The following ST6GAL1 variants were observed in gnomAD, a reference collection of about 807,000 sequenced individuals.
ST6GAL1 encodes the protein beta-galactoside alpha-2,6-sialyltransferase 1.
ST6GAL1 carries 20 observed loss-of-function variants against 38.0 expected under a neutral mutation model. The ratio of observed to expected loss-of-function variants is 0.53; its 90% CI spans 0.37 to 0.77. The LOEUF (loss-of-function observed/expected upper bound fraction) is 0.77. ST6GAL1 is among the 30% of genes least tolerant of loss of function. The probability of loss-of-function intolerance (pLI) is 0.00; values close to 1 mark genes in which losing one functional copy is unlikely to be tolerated. For synonymous variants in ST6GAL1, 196 were observed against 188.2 expected (o/e 1.04, Z -0.34); for missense variants, 432 against 496.4 (o/e 0.87, Z 1.23).
At chr3:186,939,050 A>G (rs1255986146) in intron 1 of ST6GAL1, among the ~76,000 whole-genome samples, 1 of 134,006 alleles carries the variant, frequency 7.5e-6, no homozygotes, top group Non-Finnish European at 1.6e-5. Context: ...GGAGAGAGAC[A>G]GAAAGTCAAC....
intron 2 of ST6GAL1, 183 bp downstream of exon 2, chr3:186,964,109 C>T (rs1013707273): frequency 6.6e-6 from 1 of 152,236 alleles, no homozygotes; most frequent in African/African-American, 2.4e-5. Context: ...GAGGCTTCTG[C>T]TTTGTCAGAG....
At position 187,029,646 on chromosome 3, in the gene ST6GAL1, C is replaced by T. The variant is rs564672215; in HGVS notation, c.-182-9096C>T. Among the ~76,000 whole-genome samples the T allele has an allele frequency of 4.1e-4, 63 of 152,262 alleles. 1 individual carries two copies. The highest frequency in any genetic ancestry group is 1.3e-3 in the African/African-American group (54 of 41,544). ...TAAGGACCTCCTGGCAGTTAGGGATCGCGAACTTGAAGTGAAATCAGTAAG... is the reference window on the plus strand; with the variant it reads ...TAAGGACCTCCTGGCAGTTAGGGATTGCGAACTTGAAGTGAAATCAGTAAG... On this transcript the variant is annotated intron_variant, in intron 2 of 7. Coordinates refer to ENST00000169298, the MANE Select transcript of ST6GAL1 (RefSeq NM_173216.2).
chr3:187,073,040 T>C, intron 6 of ST6GAL1, 93 bp downstream of exon 6: 1 of 978,232 alleles, frequency 1.0e-6, no homozygotes, highest in Non-Finnish European at 1.6e-6. Flanking sequence ...TGGCTGACAT[T>C]GGCTATTCCT....
intron 5 of ST6GAL1, among the ~76,000 whole-genome samples, chr3:187,071,633 C>T (rs528824334): frequency 3.8e-4 from 57 of 151,766 alleles, no homozygotes; most frequent in African/African-American, 4.3e-4. Flanking sequence ...TGGTGGCGGG[C>T]GTCTGTAGTC....
At chr3:187,042,567 A>T in intron 3 of ST6GAL1, 87 bp from the exon 4 acceptor site, 2 of 1,277,374 alleles carry the variant, frequency 1.6e-6, no homozygotes, top group East Asian at 2.4e-5. Context: ...CCTCATTTCA[A>T]ATCTATTGCT....
At position 187,005,277 on chromosome 3, in the gene ST6GAL1, T is replaced by C. The variant is rs1462596483; in HGVS notation, c.-182-33465T>C. On this transcript the variant is annotated intron_variant, in intron 2 of 7. Coordinates refer to ENST00000169298, the MANE Select transcript of ST6GAL1 (RefSeq NM_173216.2). ...TGTTTCTTTTTCTTTTTCTTTTTTT[T>C]TTTTTTTTTTTTTTTGAGACGGAGT... Among the ~76,000 whole-genome samples the C allele has an allele frequency of 7.1e-4, 101 of 141,530 alleles. 2 individuals carry two copies. The highest frequency in any genetic ancestry group is 1.4e-3 in the East Asian group (6 of 4,218). 92.8% of individuals were successfully genotyped at this position (141,530 alleles called of 152,430 possible).
rs60914982 is a variant in ST6GAL1, at chr3:186,936,939, C to CAAA, written c.-325+6126_-325+6128dup. Among the ~76,000 whole-genome samples, 30 of 87,920 alleles carry CAAA rather than the reference C, an allele frequency of 3.4e-4. 1 individual carries two copies. Among genetic ancestry groups the CAAA allele is most frequent in the Non-Finnish European group, 5.2e-4 (23 of 44,548 alleles). 57.7% of individuals were successfully genotyped at this position (87,920 alleles called of 152,430 possible). ...CCTGGGTGACAGAGCAAGACTGTCT[C>CAAA]AAAAAAAAAAAAAAAAAAAAAAAGA... On this transcript the variant is annotated intron_variant, in intron 1 of 7. Transcript: ENST00000169298.
chr3:187,051,378 GAGA>G (rs1392457125), intron 5 of ST6GAL1, 32 bp downstream of exon 5: 2 of 1,596,922 alleles, frequency 1.3e-6, no homozygotes, highest in Non-Finnish European at 1.7e-6. Flanking sequence ...TATGGAGTAA[GAGA>G]AGGACCACAG....
At chr3:186,972,546 G>A (rs1177268815) in intron 2 of ST6GAL1, among the ~76,000 whole-genome samples, 2 of 151,942 alleles carry the variant, frequency 1.3e-5, no homozygotes, top group African/African-American at 2.4e-5. Flanking sequence ...CACCATGCCC[G>A]GCCACTGCTT....
rs74829123 is a variant in ST6GAL1 at position 186,993,118 on chromosome 3, G to A, written c.-183+29192G>A. ...ACTTGAGTGTTTGTGTCCCTAGTGCGTTTAGCTTCGGGTGGGGGCTGCCTT... is the reference window on the plus strand; with the variant it reads ...ACTTGAGTGTTTGTGTCCCTAGTGCATTTAGCTTCGGGTGGGGGCTGCCTT... On this transcript the variant is annotated intron_variant, in intron 2 of 7. Transcript: ENST00000169298. Among the ~76,000 whole-genome samples the A allele has an allele frequency of 1.2e-4, 19 of 152,248 alleles. No individual in the cohort carries two copies. The East Asian group carries it at 2.7e-3, about 22-fold the overall frequency.
At chr3:186,995,844 G>C (rs939205598) in intron 2 of ST6GAL1, among the ~76,000 whole-genome samples, 79 of 151,242 alleles carry the variant, frequency 5.2e-4, no homozygotes, top group African/African-American at 1.8e-3. Context: ...ACTCTGTCTT[G>C]AGAAAAAAAA....
At chr3:186,933,174 C>T (rs188396951) in intron 1 of ST6GAL1, among the ~76,000 whole-genome samples, 3 of 152,162 alleles carry the variant, frequency 2.0e-5, no homozygotes, top group East Asian at 2.0e-4. Context: ...TGGTTTTCTA[C>T]GCTGCCGTGC....
rs58353230 is a variant in ST6GAL1, at chr3:187,052,404, C to T, written c.705+1058C>T. On this transcript the variant is annotated intron_variant, in intron 5 of 7. Coordinates refer to ENST00000169298, the MANE Select transcript of ST6GAL1 (RefSeq NM_173216.2). The stretch of plus-strand genomic sequence containing the variant: ...TGTTGGTTTGCTGCACCCATCAACT[C>T]GTCATTTACATTAGGTATTTCTCCT... Among the ~76,000 whole-genome samples, 1,032 of 152,248 alleles carry T rather than the reference C, an allele frequency of 6.8e-3. 8 individuals carry two copies. The highest frequency in any genetic ancestry group is 0.023 in the African/African-American group (964 of 41,522).
intron 2 of ST6GAL1, among the ~76,000 whole-genome samples, chr3:186,979,210 TGTTAGGTTAG>T (rs1164465091): frequency 6.6e-6 from 1 of 151,960 alleles, no homozygotes; most frequent in Admixed American, 6.6e-5. Flanking sequence ...TTAACTGAAA[TGTTAGGTTAG>T]GTTGGGGGAA....
intron 1 of ST6GAL1, among the ~76,000 whole-genome samples, chr3:186,943,570 C>A (rs1472646994): frequency 6.6e-6 from 1 of 152,168 alleles, no homozygotes; most frequent in Non-Finnish European, 1.5e-5. Context: ...CTGTCTCAGC[C>A]TCCTGAGTAG....
chr3:186,937,836 G>A (rs185825973), intron 1 of ST6GAL1, among the ~76,000 whole-genome samples: 223 of 152,294 alleles, frequency 1.5e-3, no homozygotes, highest in Non-Finnish European at 2.5e-3. Flanking sequence ...ACTTTGGGAG[G>A]CTGATGCAGG....
At chr3:187,026,287 TG>T (rs965327171) in intron 2 of ST6GAL1, among the ~76,000 whole-genome samples, 2 of 152,222 alleles carry the variant, frequency 1.3e-5, no homozygotes, top group East Asian at 3.9e-4. Context: ...GGGTAGGAGC[TG>T]GGGTGGTAGA....
chr3:186,975,608 C>T lies in ST6GAL1; in HGVS notation c.-183+11682C>T, dbSNP rs59814369. On this transcript the variant is annotated intron_variant, in intron 2 of 7. Coordinates refer to ENST00000169298, the MANE Select transcript of ST6GAL1 (RefSeq NM_173216.2). ...TTCCCCACAGTGTGTTCTTCCATGG[C>T]CTCTTTGTACTCTCCCATCCACTTC... is the stretch of plus-strand genomic sequence containing the variant. 9.9e-3 allele frequency among the ~76,000 whole-genome samples: 1,508 copies of T among 152,324 alleles called. 24 individuals are homozygous for T. Among genetic ancestry groups the T allele is most frequent in the African/African-American group, 0.035 (1,459 of 41,558 alleles).
intron 2 of ST6GAL1, among the ~76,000 whole-genome samples, chr3:186,999,288 G>T (rs1716530409): frequency 1.3e-5 from 2 of 152,206 alleles, no homozygotes; most frequent in African/African-American, 4.8e-5. Flanking sequence ...GAACAGCTCA[G>T]CTATGTCAGG....
Sources: allele counts gnomAD v4.1 joint callset (sites outside exome capture counted in the v4.1 genomes callset), GRCh38; gene constraint gnomAD v4.1.1; transcripts MANE v1.5; gene names NCBI Gene and HGNC (gene_info 2026-07-23, HGNC 2026-07-21).